LRRC31: variants seen among roughly 807,000 people sequenced by gnomAD.
The protein encoded by LRRC31 is leucine-rich repeat-containing protein 31.
Under a neutral mutation model 46.7 loss-of-function variants are expected in LRRC31, and 35 were observed. That is an observed-to-expected ratio of 0.75 (90% CI 0.57 to 0.99). The LOEUF (loss-of-function observed/expected upper bound fraction) is 0.99. Among genes scored for constraint, LRRC31 ranks in the 50% least tolerant of loss-of-function variants. LRRC31 has a pLI of 0.00. For synonymous variants in LRRC31, 236 were observed against 235.1 expected (o/e 1.00, Z -0.03); for missense variants, 613 against 626.1 (o/e 0.98, Z 0.22).
At chr3:169,845,571 T>C (rs1264972229) in intron 8 of LRRC31, among the ~76,000 whole-genome samples, 1 of 152,190 alleles carries the variant, frequency 6.6e-6, no homozygotes, top group Admixed American at 6.5e-5. Context: ...GGCCAATTGA[T>C]TTTTCACAAA....
At chr3:169,862,400 C>G (rs975540831) in intron 1 of LRRC31, among the ~76,000 whole-genome samples, 3 of 152,172 alleles carry the variant, frequency 2.0e-5, no homozygotes. Flanking sequence ...TGGAAAGCCT[C>G]GTCTGTCCTC....
chr3:169,854,898 C>T lies in LRRC31; in HGVS notation c.906G>A (p.Ser302=), dbSNP rs377094093. 41 of 1,613,536 alleles carry T rather than the reference C, an allele frequency of 2.5e-5. No homozygotes were observed. The highest frequency in any genetic ancestry group is 3.2e-5 in the Non-Finnish European group (38 of 1,179,792). ...NKDLGGGFED[S]PAQLVMLKHL... ...GCTTTAGCATGACCAACTGAGCCGG[C>T]GAGTCTTCAAAACCTCCACCTAGAT... Residue 302 remains serine (S), a synonymous_variant, in exon 6 of 9, where the codon TCG becomes TCA. Coordinates refer to ENST00000316428, the MANE Select transcript of LRRC31 (RefSeq NM_024727.4).
intron 8 of LRRC31, among the ~76,000 whole-genome samples, chr3:169,845,391 C>G (rs1360370077): frequency 6.6e-6 from 1 of 152,002 alleles, no homozygotes; most frequent in Non-Finnish European, 1.5e-5. Flanking sequence ...TGCTAAGTAA[C>G]TAGAATAACC....
Position 169,854,886 on chromosome 3 carries a change from C to T in LRRC31, c.918G>A (p.Leu306=), listed in dbSNP as rs1218963466. 1 of 1,613,758 alleles carries T rather than the reference C, an allele frequency of 6.2e-7. No individual in the cohort carries two copies. The highest frequency in any genetic ancestry group is 8.5e-7 in the Non-Finnish European group (1 of 1,179,900). ...GGGFEDSPAQ[L]VMLKHLQVLD... is the part of the protein sequence containing the mutation. ...GGACTTGTAGATGCTTTAGCATGACCAACTGAGCCGGCGAGTCTTCAAAAC... is the reference window on the plus strand; with the variant it reads ...GGACTTGTAGATGCTTTAGCATGACTAACTGAGCCGGCGAGTCTTCAAAAC... Residue 306 remains leucine, a synonymous_variant, in exon 6 of 9, where the codon TTG becomes TTA. Transcript: ENST00000316428.
At chr3:169,846,777 G>A (rs1015937466) in intron 8 of LRRC31, among the ~76,000 whole-genome samples, 1 of 152,132 alleles carries the variant, frequency 6.6e-6, no homozygotes, top group African/African-American at 2.4e-5. Context: ...GGTCTTTCTC[G>A]GGAAAATGTA....
chr3:169,857,902 G>A (rs767987303), intron 3 of LRRC31, among the ~76,000 whole-genome samples: 15 of 152,176 alleles, frequency 9.9e-5, no homozygotes, highest in Middle Eastern at 3.4e-3. Context: ...CAATGAACAG[G>A]CATCATTTTT....
chr3:169,853,752 G>C, intron 6 of LRRC31: 2 of 975,670 alleles, frequency 2.0e-6, no homozygotes, highest in African/African-American at 3.5e-5. Flanking sequence ...AATTTAGCAG[G>C]TTTAAAAAGA....
intron 7 of LRRC31, among the ~76,000 whole-genome samples, chr3:169,848,833 C>T (rs1321196469): frequency 6.6e-6 from 1 of 152,172 alleles, no homozygotes; most frequent in Admixed American, 6.5e-5. Flanking sequence ...CACTGTCCAA[C>T]TGGGGTTTCT....
intron 7 of LRRC31, among the ~76,000 whole-genome samples, chr3:169,849,061 A>C (rs539946662): frequency 6.6e-6 from 1 of 152,376 alleles, no homozygotes; most frequent in African/African-American, 2.4e-5. Flanking sequence ...TGTATTTTGG[A>C]AAGATTTTTA....
intron 7 of LRRC31, among the ~76,000 whole-genome samples, chr3:169,849,108 GC>G (rs1353945466): frequency 6.6e-6 from 1 of 152,158 alleles, no homozygotes; most frequent in African/African-American, 2.4e-5. Context: ...ATTCTCAGTT[GC>G]CCCCAATGTT....
Position 169,851,782 on chromosome 3 carries a change from C to G in LRRC31, c.996G>C (p.Gln332His). ...LTADDVMSLT[Q>H]VIPLLSNLQE... is the part of the protein sequence containing the mutation. ...GAAGATTTGAAAGTAAAGGAATGAC[C>G]TGGGCTGTTAAAAATATCAACAGTG... Residue 332 changes from glutamine to histidine, a missense_variant, in exon 7 of 9, where the codon CAG (glutamine) becomes CAC (histidine). Transcript: ENST00000316428. 1 of 1,613,950 alleles carries G rather than the reference C, an allele frequency of 6.2e-7. No homozygotes were observed. The highest frequency in any genetic ancestry group is 8.5e-7 in the Non-Finnish European group (1 of 1,179,972).
At chr3:169,848,835 G>A (rs1389435531) in intron 7 of LRRC31, among the ~76,000 whole-genome samples, 1 of 152,174 alleles carries the variant, frequency 6.6e-6, no homozygotes, top group African/African-American at 2.4e-5. Context: ...CTGTCCAACT[G>A]GGGTTTCTTT....
At position 169,860,601 on chromosome 3, in the gene LRRC31, C is replaced by T. The variant is rs781728974; in HGVS notation, c.447G>A (p.Leu149=). 1.2e-6 allele frequency: 2 copies of T among 1,614,014 alleles called. No individual in the cohort carries two copies. Among genetic ancestry groups the T allele is most frequent in the African/African-American group, 2.7e-5 (2 of 74,914 alleles). Reference sequence around the variant, plus strand: ...CGTCAGTGGTGAGTCTGCAGCTACCCAGCCTCAAGATTTTTAACTTGCTGA... The same window carrying T: ...CGTCAGTGGTGAGTCTGCAGCTACCTAGCCTCAAGATTTTTAACTTGCTGA... ...HLVSKLKILR[L]GSCRLTTDDV... Residue 149 remains leucine (L), a synonymous_variant, in exon 3 of 9, where the codon CTG becomes CTA. Coordinates refer to ENST00000316428, the MANE Select transcript of LRRC31 (RefSeq NM_024727.4).
chr3:169,860,389 G>A (rs562846534), intron 3 of LRRC31, among the ~76,000 whole-genome samples, 172 bp downstream of exon 3: 34 of 151,616 alleles, frequency 2.2e-4, no homozygotes, highest in Non-Finnish European at 3.8e-4. Context: ...CACCACACCC[G>A]GCTAACTTTT....
chr3:169,847,990 G>A, intron 8 of LRRC31, 130 bp downstream of exon 8: 1 of 800,288 alleles, frequency 1.2e-6, no homozygotes, highest in South Asian at 2.0e-5. Context: ...AGATGTTGGT[G>A]AGAAGGGAAT....
At chr3:169,856,296 A>G (rs752707277) in intron 5 of LRRC31, 40 bp downstream of exon 5, 2 of 1,304,944 alleles carry the variant, frequency 1.5e-6, no homozygotes, top group Non-Finnish European at 2.1e-6. Flanking sequence ...ATCATATATA[A>G]TTATACATGT....
chr3:169,848,083 G>A (rs200133753), intron 8 of LRRC31, 37 bp downstream of exon 8: 36 of 1,592,766 alleles, frequency 2.3e-5, no homozygotes, highest in Non-Finnish European at 3.0e-5. Flanking sequence ...CCACTGCTCT[G>A]TTTGCCAAGA....
chr3:169,858,047 C>G (rs79319749), intron 3 of LRRC31, among the ~76,000 whole-genome samples: 111 of 152,184 alleles, frequency 7.3e-4, no homozygotes, highest in African/African-American at 2.5e-3. Flanking sequence ...ATTTGCCACT[C>G]GGTACTAAAC....
At chr3:169,853,563 A>G (rs529966901) in intron 6 of LRRC31, 1 of 985,814 alleles carries the variant, frequency 1.0e-6, no homozygotes, top group Non-Finnish European at 1.2e-6. Context: ...CTGGTGGGCT[A>G]ATAACTCTGA....
Sources: allele counts gnomAD v4.1 joint callset (sites outside exome capture counted in the v4.1 genomes callset), GRCh38; gene constraint gnomAD v4.1.1; transcripts MANE v1.5; gene names NCBI Gene and HGNC (gene_info 2026-07-23, HGNC 2026-07-21).